The following PPARGC1A variants were observed in gnomAD, a reference collection of about 807,000 sequenced individuals.
PPARGC1A encodes the protein peroxisome proliferator-activated receptor gamma coactivator 1-alpha.
PPARGC1A carries 25 observed loss-of-function variants against 88.7 expected under a neutral mutation model. That is an observed-to-expected ratio of 0.28 (90% CI 0.21 to 0.39). The LOEUF is 0.39. Ranked by LOEUF, PPARGC1A falls within the 10% of genes least tolerant of loss-of-function variation. PPARGC1A has a pLI of 1.00. For missense variants in PPARGC1A, 880 were observed against 968.7 expected (o/e 0.91, Z 1.22); for synonymous variants, 363 against 355.6 (o/e 1.02, Z -0.24).
At chr4:24,040,225 C>T in the PPARGC1A span, among the ~76,000 whole-genome samples, 1 of 152,162 alleles carries the variant, frequency 6.6e-6, no homozygotes, top group African/African-American at 2.4e-5. Flanking sequence ...TGTTCCAATC[C>T]AGCCACATAC....
the PPARGC1A span, among the ~76,000 whole-genome samples, chr4:24,177,453 C>A: frequency 6.9e-6 from 1 of 143,952 alleles, no homozygotes; most frequent in African/African-American, 2.6e-5. Context: ...ACATCACACA[C>A]TGGGGCCTGT....
the PPARGC1A span, among the ~76,000 whole-genome samples, chr4:23,915,764 T>C: frequency 6.6e-6 from 1 of 152,194 alleles, no homozygotes; most frequent in Non-Finnish European, 1.5e-5. Flanking sequence ...TACACCAGGC[T>C]ATGAGGCTAT....
the PPARGC1A span, among the ~76,000 whole-genome samples, chr4:24,389,466 C>T: frequency 6.6e-6 from 1 of 152,138 alleles, no homozygotes; most frequent in Non-Finnish European, 1.5e-5. Context: ...CTTCTGGTTC[C>T]TCATTTGCAA....
the PPARGC1A span, among the ~76,000 whole-genome samples, chr4:24,456,417 G>A: frequency 6.6e-6 from 1 of 152,294 alleles, no homozygotes; most frequent in Non-Finnish European, 1.5e-5. Flanking sequence ...AGTGGGAAAT[G>A]TTCAGAGCTG....
the PPARGC1A span, among the ~76,000 whole-genome samples, chr4:24,298,186 G>GAA: frequency 2.2e-3 from 319 of 147,774 alleles, 1 homozygote; most frequent in East Asian, 0.032. Flanking sequence ...ATTACCAAAT[G>GAA]AAAAAAAAAA....
the PPARGC1A span, among the ~76,000 whole-genome samples, chr4:24,409,832 G>A: frequency 6.6e-6 from 1 of 152,184 alleles, no homozygotes; most frequent in Admixed American, 6.5e-5. Context: ...AATCCAGAGA[G>A]TATATGTTTG....
the PPARGC1A span, among the ~76,000 whole-genome samples, chr4:24,343,720 T>G: frequency 0.5 from 75,901 of 151,794 alleles, 20,712 homozygotes; most frequent in Admixed American, 0.66. Flanking sequence ...AGAGTGGAGA[T>G]GTGGTGTGTG....
At chr4:24,163,858 G>A in the PPARGC1A span, among the ~76,000 whole-genome samples, 1 of 152,152 alleles carries the variant, frequency 6.6e-6, no homozygotes, top group Admixed American at 6.5e-5. Context: ...ACAGCCCATA[G>A]GGAGCTTTTT....
the PPARGC1A span, among the ~76,000 whole-genome samples, chr4:24,358,925 C>T: frequency 1.3e-5 from 2 of 152,290 alleles, no homozygotes; most frequent in South Asian, 4.1e-4. Flanking sequence ...CCCATTTTCC[C>T]ACCTATGTGT....
At chr4:24,213,252 C>T in the PPARGC1A span, among the ~76,000 whole-genome samples, 1 of 151,280 alleles carries the variant, frequency 6.6e-6, no homozygotes. Context: ...CTGCAAGTTC[C>T]GCCTCCCGGG....
At chr4:24,390,727 T>A in the PPARGC1A span, among the ~76,000 whole-genome samples, 5 of 152,178 alleles carry the variant, frequency 3.3e-5, no homozygotes, top group South Asian at 8.3e-4. Context: ...CGAAGTATTG[T>A]TTGAAGCGGT....
the PPARGC1A span, among the ~76,000 whole-genome samples, chr4:24,003,820 A>ATTTT: frequency 2.7e-5 from 4 of 146,850 alleles, no homozygotes; most frequent in African/African-American, 5.0e-5. Context: ...GATCAGATTG[A>ATTTT]TTTTTTTTTT....
chr4:24,331,540 C>T, the PPARGC1A span, among the ~76,000 whole-genome samples: 2 of 152,190 alleles, frequency 1.3e-5, no homozygotes, highest in Non-Finnish European at 2.9e-5. Flanking sequence ...ATCCCCAGGA[C>T]AGTTTCTGGC....
chr4:24,061,959 T>A, the PPARGC1A span, among the ~76,000 whole-genome samples: 1 of 152,148 alleles, frequency 6.6e-6, no homozygotes, highest in African/African-American at 2.4e-5. Context: ...CTATATAAAC[T>A]TCAGGAAGAA....
the PPARGC1A span, among the ~76,000 whole-genome samples, chr4:24,184,103 C>T: frequency 3.9e-5 from 6 of 152,220 alleles, no homozygotes; most frequent in South Asian, 1.0e-3. Flanking sequence ...TGCTAAGCTA[C>T]CTGGAATTGG....
the PPARGC1A span, among the ~76,000 whole-genome samples, chr4:24,274,907 C>T: frequency 1.3e-5 from 2 of 152,136 alleles, no homozygotes; most frequent in African/African-American, 4.8e-5. Flanking sequence ...TCAATAACCA[C>T]ACAGGGTTCC....
the PPARGC1A span, among the ~76,000 whole-genome samples, chr4:24,267,220 T>C: frequency 1.3e-5 from 2 of 152,198 alleles, no homozygotes; most frequent in Non-Finnish European, 2.9e-5. Context: ...AATATGCAAA[T>C]GCCCTCCATG....
chr4:23,967,872 T>C, the PPARGC1A span, among the ~76,000 whole-genome samples: 2,107 of 151,970 alleles, frequency 0.014, 47 homozygotes, highest in South Asian at 0.1. Context: ...AGAAAGTACA[T>C]AGGAACATAT....
the PPARGC1A span, among the ~76,000 whole-genome samples, chr4:24,169,116 G>A: frequency 6.6e-6 from 1 of 152,140 alleles, no homozygotes; most frequent in Non-Finnish European, 1.5e-5. Context: ...TGACAAAAAT[G>A]GCACTTTACT....
Sources: allele counts gnomAD v4.1 joint callset (sites outside exome capture counted in the v4.1 genomes callset), GRCh38; gene constraint gnomAD v4.1.1; transcripts MANE v1.5; gene names NCBI Gene and HGNC (gene_info 2026-07-23, HGNC 2026-07-21).